The following SYNJ1 variants were observed in gnomAD, a reference collection of about 807,000 sequenced individuals.
SYNJ1 encodes synaptojanin 1, also known as polyphosphatidylinositol phosphatase SYNJ1.
A neutral mutation model predicts 168.2 loss-of-function variants in SYNJ1; 78 were observed. The ratio of observed to expected loss-of-function variants is 0.46; its 90% CI spans 0.39 to 0.56. The LOEUF is 0.56. Ranked by LOEUF, SYNJ1 falls within the 20% of genes least tolerant of loss-of-function variation. The pLI is 0.00. For synonymous variants in SYNJ1, 539 were observed against 548.6 expected, an observed-to-expected ratio of 0.98 and a Z score of 0.24; for missense variants, 1,303 against 1,597.6, an observed-to-expected ratio of 0.82 and a Z score of 3.14.
intron 26 of SYNJ1, 71 bp from the exon 27 acceptor site, chr21:32,643,528 A>T (rs1401243779): frequency 1.3e-5 from 20 of 1,486,310 alleles, no homozygotes; most frequent in Non-Finnish European, 1.8e-5. Context: ...CAGGCACACA[A>T]GACAATTTCC....
At chr21:32,704,100 T>C (rs896180053) in intron 2 of SYNJ1, among the ~76,000 whole-genome samples, 2 of 152,220 alleles carry the variant, frequency 1.3e-5, no homozygotes, top group African/African-American at 2.4e-5. Context: ...AAATGTTCTC[T>C]CTTCTAATAA....
Position 32,700,196 on chromosome 21 carries a change from A to G in SYNJ1, c.212-91T>C, listed in dbSNP as rs1714793871. ...TGCACCTCTATTTTTTAAATCTGAC[A>G]TTGTGATTATTTTAAACTTATCATG... On this transcript the variant is annotated intron_variant, in intron 3 of 32. Coordinates refer to ENST00000674351, the MANE Select transcript of SYNJ1 (RefSeq NM_203446.3). The G allele has an allele frequency of 9.3e-6, 13 of 1,401,930 alleles. No homozygotes were observed. In the South Asian group the frequency reaches 1.6e-4, roughly 17 times the overall value. 86.8% of individuals were successfully genotyped at this position (1,401,930 alleles called of 1,614,324 possible). A position where few individuals can be genotyped will look rare whatever the true frequency, so the allele number is the denominator to read the frequency against.
chr21:32,728,175 A>T (rs1601569483), upstream of SYNJ1: 1 of 1,096,124 alleles, frequency 9.1e-7, no homozygotes, highest in Non-Finnish European at 1.2e-6. Flanking sequence ...GTCTCCAGCT[A>T]CCTTTGCCTC....
In SYNJ1 at chr21:32,681,574, A is replaced by C; in HGVS notation, c.1275T>G (p.Phe425Leu). ...CACCATTCACGGACCACATTGACCG[A>C]AAAACTTCTTGAAAGCGAGTCACCA... is the stretch of plus-strand genomic sequence containing the variant. Reference protein sequence around the residue: ...PQLVTRFQEVFRSMWSVNGDS... With the variant: ...PQLVTRFQEVLRSMWSVNGDS... The change falls in exon 11 of 33, where the codon TTT becomes TTG. Residue 425 changes from phenylalanine to leucine, a missense_variant. Transcript: ENST00000674351. 12 of 1,613,908 alleles carry C rather than the reference A, an allele frequency of 7.4e-6. No individual in the cohort carries two copies. The highest frequency in any genetic ancestry group is 1.0e-5 in the Non-Finnish European group (12 of 1,179,858).
At chr21:32,651,427 T>C (rs1039296142) in intron 22 of SYNJ1, among the ~76,000 whole-genome samples, 5 of 152,232 alleles carry the variant, frequency 3.3e-5, no homozygotes, top group African/African-American at 1.2e-4. Context: ...GCTGTGTTTA[T>C]TAGTAATTTA....
intron 3 of SYNJ1, among the ~76,000 whole-genome samples, 198 bp downstream of exon 3, chr21:32,701,763 T>C (rs2042411029): frequency 1.3e-5 from 2 of 152,208 alleles, no homozygotes; most frequent in African/African-American, 4.8e-5. Context: ...TCCACTCACA[T>C]GAGTTTGAGC....
intron 26 of SYNJ1, among the ~76,000 whole-genome samples, chr21:32,643,796 C>CT (rs752831454): frequency 1.7e-4 from 26 of 152,112 alleles, no homozygotes; most frequent in Admixed American, 8.5e-4. Flanking sequence ...AGTAAAAACT[C>CT]TGATATTTGA....
At chr21:32,686,357 T>C (rs2041837408) in intron 8 of SYNJ1, among the ~76,000 whole-genome samples, 1 of 152,208 alleles carries the variant, frequency 6.6e-6, no homozygotes. Flanking sequence ...CAGGATGCTT[T>C]TGGACTTAGG....
intron 2 of SYNJ1, among the ~76,000 whole-genome samples, chr21:32,710,760 A>C (rs1245839195): frequency 6.6e-6 from 1 of 152,188 alleles, no homozygotes; most frequent in Non-Finnish European, 1.5e-5. Flanking sequence ...CATAGCCCAC[A>C]CTTCCCAAGG....
chr21:32,724,223 C>G (rs371262079), intron 2 of SYNJ1, among the ~76,000 whole-genome samples: 1 of 152,134 alleles, frequency 6.6e-6, no homozygotes, highest in African/African-American at 2.4e-5. Flanking sequence ...CGCGGTGGCT[C>G]ACGCCTGTAA....
rs780038881 is a variant in SYNJ1, at chr21:32,638,957, C to G, written c.3866G>C (p.Arg1289Pro). Residue 1289 changes from arginine (R) to proline (P), a missense_variant, in exon 31 of 33, where the codon CGA (arginine) becomes CCA (proline). Physicochemically the swap from Arg to Pro is moderately radical, Grantham distance 103. Transcript: ENST00000674351. Reference protein sequence around the residue: ...NLETPPQPPPRSRSSHSLPSE... With the variant: ...NLETPPQPPPPSRSSHSLPSE... ...AGGCAAGCTATGGGATGACCTGCTTCGAGGTGGTGGTTGTGGTGGGGTTTC... is the reference window on the plus strand; with the variant it reads ...AGGCAAGCTATGGGATGACCTGCTTGGAGGTGGTGGTTGTGGTGGGGTTTC... 2 of 1,613,806 alleles carry G rather than the reference C, an allele frequency of 1.2e-6. No individual in the cohort carries two copies. The highest frequency in any genetic ancestry group is 1.7e-6 in the Non-Finnish European group (2 of 1,179,820).
intron 22 of SYNJ1, among the ~76,000 whole-genome samples, chr21:32,652,269 C>T (rs375267078): frequency 1.3e-5 from 2 of 151,282 alleles, no homozygotes; most frequent in Non-Finnish European, 2.9e-5. Flanking sequence ...GGTGCAATCT[C>T]GGCTCGCTGC....
rs2040036181 is a variant in SYNJ1 at position 32,645,761 on chromosome 21, C to T, written c.3276G>A (p.Thr1092=). Residue 1092 remains threonine (T), a synonymous_variant, in exon 25 of 33, where the codon ACG becomes ACA. Transcript: ENST00000674351. ...GGGCGGGGTCTTTCTGCGGCAGCGGCGTTGCTGGCTGCGCGTCAATAGGAG... is the reference window on the plus strand; with the variant it reads ...GGGCGGGGTCTTTCTGCGGCAGCGGTGTTGCTGGCTGCGCGTCAATAGGAG... ...QSSPIDAQPA[T]PLPQKDPAQP... 1.4e-6 allele frequency: 2 copies of T among 1,466,432 alleles called. No individual in the cohort carries two copies. Among genetic ancestry groups the T allele is most frequent in the South Asian group, 1.4e-5 (1 of 70,318 alleles). The allele number at this position is 1,466,432 out of a possible 1,614,324, so 90.8% of individuals were successfully genotyped here.
chr21:32,684,588 C>G lies in SYNJ1; in HGVS notation c.1119-469G>C, dbSNP rs113218300. Reference sequence around the variant, plus strand: ...CTTAACCTATATTCTGAACTTAACTCTCTTAACATTTACTTTTCTCCTCTA... The same window carrying G: ...CTTAACCTATATTCTGAACTTAACTGTCTTAACATTTACTTTTCTCCTCTA... On this transcript the variant is annotated intron_variant, in intron 9 of 32. Transcript: ENST00000674351. Among the ~76,000 whole-genome samples, 11 of 152,244 alleles carry G rather than the reference C, an allele frequency of 7.2e-5. 1 individual carries two copies. Among genetic ancestry groups the G allele is most frequent in the African/African-American group, 2.6e-4 (11 of 41,526 alleles).
intron 2 of SYNJ1, among the ~76,000 whole-genome samples, chr21:32,724,926 A>G (rs966513580): frequency 6.6e-6 from 1 of 152,232 alleles, no homozygotes; most frequent in East Asian, 1.9e-4. Context: ...ATCTAATGAA[A>G]ATAGAATAGC....
At chr21:32,668,561 ATTGT>A (rs1438756980) in intron 15 of SYNJ1, among the ~76,000 whole-genome samples, 1 of 152,180 alleles carries the variant, frequency 6.6e-6, no homozygotes, top group Non-Finnish European at 1.5e-5. Context: ...CCTGATGTGA[ATTGT>A]TTTTCATTTT....
chr21:32,646,572 T>A lies in SYNJ1; in HGVS notation c.3068A>T (p.Glu1023Val). Residue 1023 changes from glutamate to valine, a missense_variant, in exon 24 of 33, where the codon GAG becomes GTG. Transcript: ENST00000674351. ...CTGGAGATGCTGAGGAAGAAGTTCC[T>A]CCACTTCAGCACTATAGTCATCAAC... ...GDVDDYSAEV[E>V]ELLPQHLQPS... The A allele has an allele frequency of 6.2e-7, 1 of 1,614,164 alleles. No individual in the cohort carries two copies. Among genetic ancestry groups the A allele is most frequent in the African/African-American group, 1.3e-5 (1 of 75,046 alleles).
intron 15 of SYNJ1, among the ~76,000 whole-genome samples, chr21:32,667,383 T>C (rs2040981234): frequency 6.6e-6 from 1 of 152,184 alleles, no homozygotes; most frequent in Non-Finnish European, 1.5e-5. Context: ...ATTACCAACA[T>C]TTTGCCAATC....
At chr21:32,665,910 C>A in intron 17 of SYNJ1, 33 bp downstream of exon 17, 1 of 1,545,008 alleles carries the variant, frequency 6.5e-7, no homozygotes, top group Non-Finnish European at 8.7e-7. Flanking sequence ...TATTTCAAAG[C>A]TTTATCTTCA....
Sources: gnomAD v4.1 joint callset for allele counts (sites outside exome capture counted in the v4.1 genomes callset) on GRCh38, gnomAD v4.1.1 for gene constraint, MANE v1.5 for transcripts, NCBI Gene and HGNC (gene_info 2026-07-23, HGNC 2026-07-21) for gene names.